The following C4orf17 variants were observed in gnomAD, a reference collection of about 807,000 sequenced individuals.
C4orf17 encodes chromosome 4 open reading frame 17.
Under a neutral mutation model 32.0 loss-of-function variants are expected in C4orf17, and 25 were observed. The ratio of observed to expected loss-of-function variants is 0.78; its 90% confidence interval spans 0.57 to 1.09. The LOEUF (loss-of-function observed/expected upper bound fraction) is 1.09, where lower values mean the gene tolerates loss of function less well. Among genes scored for constraint, C4orf17 ranks in the 50% least tolerant of loss-of-function variants. The probability of loss-of-function intolerance (pLI) is 0.00; values close to 1 mark genes in which losing one functional copy is unlikely to be tolerated. For synonymous variants in C4orf17, 149 were observed against 145.8 expected (o/e 1.02, Z -0.16); for missense variants, 420 against 420.0 (o/e 1.00, Z 0.00).
rs78586827 is a variant in C4orf17 at position 99,531,729 on chromosome 4, C to G, written c.546+1771C>G. 2.2e-3 allele frequency among the ~76,000 whole-genome samples: 329 copies of G among 152,152 alleles called. 1 individual carries two copies. Among genetic ancestry groups the G allele is most frequent in the African/African-American group, 7.4e-3 (309 of 41,512 alleles). ...TTGCCAAATAGTTGTTGACTATTTG[C>G]TAAATAAATGAACGGAGAGGGAATA... On this transcript the variant is annotated intron_variant, in intron 5 of 8. Transcript: ENST00000326581.
intron 3 of C4orf17, 93 bp downstream of exon 3, chr4:99,522,802 T>A: frequency 1.0e-6 from 1 of 958,542 alleles, no homozygotes; most frequent in East Asian, 2.5e-5. Context: ...GCTGCAGTGG[T>A]TTTTACATCA....
intron 7 of C4orf17, among the ~76,000 whole-genome samples, chr4:99,540,078 T>C (rs925596481): frequency 6.6e-6 from 1 of 152,110 alleles, no homozygotes; most frequent in African/African-American, 2.4e-5. Flanking sequence ...TTTGAAAATA[T>C]AAATATGTCA....
At chr4:99,528,799 C>T (rs1578192657) in intron 4 of C4orf17, among the ~76,000 whole-genome samples, 1 of 152,126 alleles carries the variant, frequency 6.6e-6, no homozygotes, top group African/African-American at 2.4e-5. Flanking sequence ...GGGAACCTGA[C>T]CCCATGATTC....
Position 99,522,666 on chromosome 4 carries a change from G to A in C4orf17, c.294G>A (p.Ser98=), listed in dbSNP as rs761999697. The A allele has an allele frequency of 1.1e-5, 17 of 1,613,792 alleles. No homozygotes were observed. Among genetic ancestry groups the A allele is most frequent in the East Asian group, 2.2e-5 (1 of 44,868 alleles). The part of the protein sequence containing the change: ...AVQESPVRGM[S]PAPNGAKVPP... ...AGGAGAGCCCTGTAAGAGGAATGTC[G>A]CCAGCCCCAAACGGTGCCAAAGTGC... The change falls in exon 3 of 9, where the codon TCG becomes TCA. Residue 98 remains serine, a synonymous_variant. Coordinates refer to ENST00000326581, the MANE Select transcript of C4orf17 (RefSeq NM_032149.3).
At chr4:99,524,080 C>T (rs1275906149) in intron 3 of C4orf17, among the ~76,000 whole-genome samples, 1 of 149,846 alleles carries the variant, frequency 6.7e-6, no homozygotes, top group Admixed American at 6.7e-5. Context: ...CCTGGGTTCA[C>T]GCCATTCTCC....
intron 5 of C4orf17, among the ~76,000 whole-genome samples, chr4:99,530,474 G>T (rs1723461325): frequency 6.6e-6 from 1 of 152,062 alleles, no homozygotes; most frequent in African/African-American, 2.4e-5. Flanking sequence ...AGTTATTTCT[G>T]AGAATGATAT....
intron 1 of C4orf17, among the ~76,000 whole-genome samples, chr4:99,512,161 T>C (rs1305366666): frequency 6.6e-6 from 1 of 152,204 alleles, no homozygotes; most frequent in African/African-American, 2.4e-5. Flanking sequence ...TCTGCCATGG[T>C]TATAAATAAA....
At chr4:99,514,272 A>G (rs1382544355) in intron 2 of C4orf17, among the ~76,000 whole-genome samples, 2 of 152,208 alleles carry the variant, frequency 1.3e-5, no homozygotes, top group African/African-American at 4.8e-5. Flanking sequence ...ACCTAATTAA[A>G]CTAAAAAGCT....
At chr4:99,515,229 A>T (rs1257787467) in intron 2 of C4orf17, among the ~76,000 whole-genome samples, 1 of 152,210 alleles carries the variant, frequency 6.6e-6, no homozygotes, top group Non-Finnish European at 1.5e-5. Context: ...TCATTCTGTT[A>T]TAAAGACACC....
At chr4:99,540,591 T>C in intron 8 of C4orf17, 136 bp downstream of exon 8, 1 of 604,506 alleles carries the variant, frequency 1.7e-6, no homozygotes, top group Admixed American at 3.0e-5. Flanking sequence ...GATCAATTCT[T>C]GAGAGAGCAT....
At chr4:99,523,739 A>G (rs1723335827) in intron 3 of C4orf17, among the ~76,000 whole-genome samples, 1 of 152,184 alleles carries the variant, frequency 6.6e-6, no homozygotes, top group Non-Finnish European at 1.5e-5. Context: ...GAAATTAAGT[A>G]AAACTTTAAG....
intron 3 of C4orf17, among the ~76,000 whole-genome samples, chr4:99,523,519 C>T (rs1723332409): frequency 6.6e-6 from 1 of 152,132 alleles, no homozygotes; most frequent in Non-Finnish European, 1.5e-5. Context: ...TTTCTCTTCC[C>T]TCCCTTCTGC....
At chr4:99,528,348 T>A (rs1723424690) in intron 4 of C4orf17, among the ~76,000 whole-genome samples, 2 of 152,126 alleles carry the variant, frequency 1.3e-5, no homozygotes, top group South Asian at 2.1e-4. Flanking sequence ...CTGTTATTAG[T>A]TTTCTCTTTC....
rs1391156280 is a variant in C4orf17, at chr4:99,513,092, AC to A, written c.17del (p.Pro6ArgfsTer19). 2 of 1,613,236 alleles carry A rather than the reference AC, an allele frequency of 1.2e-6. No individual in the cohort carries two copies. The highest frequency in any genetic ancestry group is 1.7e-5 in the Admixed American group (1 of 59,910). MNL[N>X]PPTSALQIEG... ...AAACACACCACAAACATGAACCTCA[AC>A]CCCCCGACATCTGCTCTTCAGATCG... is the stretch of plus-strand genomic sequence containing the variant. On this transcript the variant is annotated frameshift_variant, in exon 2 of 9. Transcript: ENST00000326581. LOFTEE classifies it high-confidence loss of function.
chr4:99,533,028 T>C (rs140147007), intron 5 of C4orf17, among the ~76,000 whole-genome samples: 85 of 152,302 alleles, frequency 5.6e-4, no homozygotes, highest in Middle Eastern at 3.4e-3. Context: ...ATATGGTTGA[T>C]GCAGACAGTG....
At chr4:99,522,136 G>C (rs1723295886) in intron 2 of C4orf17, among the ~76,000 whole-genome samples, 1 of 152,134 alleles carries the variant, frequency 6.6e-6, no homozygotes, top group African/African-American at 2.4e-5. Flanking sequence ...TTCATGAAGA[G>C]AGCTAGCACA....
chr4:99,535,406 C>A (rs749436890), intron 5 of C4orf17, among the ~76,000 whole-genome samples: 1 of 151,922 alleles, frequency 6.6e-6, no homozygotes, highest in African/African-American at 2.4e-5. Context: ...TTTACATAAT[C>A]CCACATTTCT....
intron 2 of C4orf17, among the ~76,000 whole-genome samples, chr4:99,522,036 G>C (rs1201935574): frequency 6.6e-6 from 1 of 152,000 alleles, no homozygotes; most frequent in Admixed American, 6.6e-5. Flanking sequence ...TTTTACCTCT[G>C]CCAGGACAAA....
intron 2 of C4orf17, among the ~76,000 whole-genome samples, chr4:99,517,955 C>T (rs2110166025): frequency 6.6e-6 from 1 of 152,282 alleles, no homozygotes; most frequent in South Asian, 2.1e-4. Flanking sequence ...CCAGTGTATC[C>T]TAACAAATAA....
Sources: gnomAD v4.1 joint callset for allele counts (sites outside exome capture counted in the v4.1 genomes callset) on GRCh38, gnomAD v4.1.1 for gene constraint, MANE v1.5 for transcripts, NCBI Gene and HGNC (gene_info 2026-07-23, HGNC 2026-07-21) for gene names.